Variants in RNLS observed in about 807,000 individuals in gnomAD.
RNLS encodes renalase.
RNLS carries 39 observed loss-of-function variants against 39.8 expected under a neutral mutation model. That is an observed-to-expected ratio of 0.98 (90% confidence interval 0.76 to 1.28). The LOEUF (loss-of-function observed/expected upper bound fraction) is 1.28, where lower values mean the gene tolerates loss of function less well. Ranked by LOEUF, RNLS falls within the 50% of genes most tolerant of loss-of-function variation. The pLI is 0.00. For missense variants in RNLS, 410 were observed against 413.3 expected, an observed-to-expected ratio of 0.99 and a Z score of 0.07; for synonymous variants, 147 against 150.7, an observed-to-expected ratio of 0.98 and a Z score of 0.18.
chr10:88,573,149 A>C (rs1849957579), intron 3 of RNLS, 88 bp from the exon 4 acceptor site: 1 of 1,290,184 alleles, frequency 7.8e-7, no homozygotes, highest in Non-Finnish European at 1.1e-6. Flanking sequence ...GAATCCATTC[A>C]AGTGAACAAA....
intron 4 of RNLS, among the ~76,000 whole-genome samples, chr10:88,512,795 CTCTG>C (rs1432439128): frequency 6.6e-6 from 1 of 152,164 alleles, no homozygotes; most frequent in Non-Finnish European, 1.5e-5. Context: ...AGGCTGACTT[CTCTG>C]TCTGGAATGC....
intron 4 of RNLS, among the ~76,000 whole-genome samples, chr10:88,541,844 G>C (rs1247365041): frequency 6.6e-6 from 1 of 152,052 alleles, no homozygotes; most frequent in East Asian, 1.9e-4. Flanking sequence ...TTTATTTGAG[G>C]GTTCTTTATA....
the RNLS span, among the ~76,000 whole-genome samples, chr10:88,234,591 G>A: frequency 2.6e-5 from 4 of 152,170 alleles, no homozygotes; most frequent in African/African-American, 9.7e-5. Context: ...GGTAGCCAGG[G>A]TGGGTCACGA....
At chr10:88,240,970 A>G in the RNLS span, among the ~76,000 whole-genome samples, 1 of 151,002 alleles carries the variant, frequency 6.6e-6, no homozygotes, top group Non-Finnish European at 1.5e-5. Context: ...TTATCATCAT[A>G]TGTCTATAAT....
intron 4 of RNLS, among the ~76,000 whole-genome samples, chr10:88,455,067 A>G (rs1009928897): frequency 6.6e-6 from 1 of 152,212 alleles, no homozygotes; most frequent in African/African-American, 2.4e-5. Context: ...AGAAGTTCAC[A>G]GACTAGTAGC....
At chr10:88,366,625 G>A (rs979815634) in intron 4 of RNLS, among the ~76,000 whole-genome samples, 5 of 125,652 alleles carry the variant, frequency 4.0e-5, no homozygotes, top group African/African-American at 1.5e-4. Context: ...TACTTGCAAG[G>A]TCTGACCTGA....
chr10:88,196,158 C>T, the RNLS span, among the ~76,000 whole-genome samples: 3,168 of 140,792 alleles, frequency 0.023, 83 homozygotes, highest in South Asian at 0.13. Flanking sequence ...TCTTTTTAGT[C>T]AGGCTTGCCT....
intron 4 of RNLS, among the ~76,000 whole-genome samples, chr10:88,373,393 A>G (rs1044271341): frequency 4.6e-5 from 7 of 152,220 alleles, no homozygotes; most frequent in Non-Finnish European, 1.0e-4. Flanking sequence ...TTCTGTTTAC[A>G]TAATAACAAC....
the RNLS span, among the ~76,000 whole-genome samples, chr10:88,212,905 GAT>G: frequency 1.3e-5 from 2 of 152,160 alleles, no homozygotes; most frequent in African/African-American, 4.8e-5. Context: ...AACAGTTCCT[GAT>G]ATTTGTCCAA....
intron 5 of RNLS, among the ~76,000 whole-genome samples, chr10:88,330,447 GA>G (rs1490916365): frequency 2.0e-5 from 3 of 152,034 alleles, no homozygotes; most frequent in African/African-American, 7.2e-5. Flanking sequence ...TCCTCAAAAT[GA>G]GATAGAATAT....
the RNLS span, among the ~76,000 whole-genome samples, chr10:88,226,485 T>G: frequency 6.6e-6 from 1 of 152,150 alleles, no homozygotes; most frequent in Non-Finnish European, 1.5e-5. Flanking sequence ...AGAGATATTT[T>G]TTGAAAATAT....
chr10:88,538,085 T>C lies in RNLS; in HGVS notation c.526+34818A>G, dbSNP rs151009834. Among the ~76,000 whole-genome samples, 58 of 152,282 alleles carry C rather than the reference T, an allele frequency of 3.8e-4. 1 individual carries two copies. In the East Asian group the frequency reaches 0.01, roughly 27 times the overall value. ...AGAGATGGTTAATGCAGCACAATTATGTGGAAATAATTTGTACACAAATTC... is the reference window on the plus strand; with the variant it reads ...AGAGATGGTTAATGCAGCACAATTACGTGGAAATAATTTGTACACAAATTC... On this transcript the variant is annotated intron_variant, in intron 4 of 6. Coordinates refer to ENST00000331772, the MANE Select transcript of RNLS (RefSeq NM_001031709.3).
chr10:88,526,905 A>ACTGGAGGCACCAGGTGTCT lies in RNLS; in HGVS notation c.526+45979_526+45997dup, dbSNP rs536963486. 5.7e-3 allele frequency among the ~76,000 whole-genome samples: 860 copies of ACTGGAGGCACCAGGTGTCT among 151,958 alleles called. 5 individuals are homozygous for ACTGGAGGCACCAGGTGTCT. Among genetic ancestry groups the ACTGGAGGCACCAGGTGTCT allele is most frequent in the Non-Finnish European group, 0.01 (696 of 67,924 alleles). ...CGCAGAACTGCAGAAATGTTAAGGAACTGGAGGCACCAGGTGTCTCTGGAG... is the reference window on the plus strand; with the variant it reads ...CGCAGAACTGCAGAAATGTTAAGGAACTGGAGGCACCAGGTGTCTCTGGAGGCACCAGGTGTCTCTGGAG... On this transcript the variant is annotated intron_variant, in intron 4 of 6. Coordinates refer to ENST00000331772, the MANE Select transcript of RNLS (RefSeq NM_001031709.3).
At chr10:88,398,210 G>C (rs1472179362) in intron 4 of RNLS, among the ~76,000 whole-genome samples, 1 of 152,088 alleles carries the variant, frequency 6.6e-6, no homozygotes, top group Non-Finnish European at 1.5e-5. Context: ...ATCAACAAGA[G>C]GCAGAGGAAA....
chr10:88,581,134 G>A (rs907509399), intron 3 of RNLS, among the ~76,000 whole-genome samples: 3 of 151,684 alleles, frequency 2.0e-5, no homozygotes, highest in African/African-American at 7.3e-5. Context: ...ATAAATACTA[G>A]ACAATCATTA....
chr10:88,254,430 TG>T, the RNLS span, among the ~76,000 whole-genome samples: 3 of 152,116 alleles, frequency 2.0e-5, no homozygotes, highest in African/African-American at 7.2e-5. Flanking sequence ...AGCTTAGGAG[TG>T]GAGAAGTGGG....
rs57709392 is a variant in RNLS at position 88,397,637 on chromosome 10, A to C, written c.527-34912T>G. 4.3e-3 allele frequency among the ~76,000 whole-genome samples: 660 copies of C among 152,158 alleles called. 4 individuals carry two copies. Among genetic ancestry groups the C allele is most frequent in the African/African-American group, 0.015 (617 of 41,550 alleles). ...ATAACTATTAGAATACAGATAAACAAAATAGAGATAGAAAACAGAGAGATC... is the reference window on the plus strand; with the variant it reads ...ATAACTATTAGAATACAGATAAACACAATAGAGATAGAAAACAGAGAGATC... On this transcript the variant is annotated intron_variant, in intron 4 of 6. Transcript: ENST00000331772.
chr10:88,263,570 C>T, the RNLS span, among the ~76,000 whole-genome samples: 1 of 151,816 alleles, frequency 6.6e-6, no homozygotes, highest in African/African-American at 2.4e-5. Context: ...AGAGGGTTGC[C>T]ACTGCTCCCA....
rs1254879978 is a variant in RNLS, at chr10:88,497,883, G to GA, written c.526+75019dup. On this transcript the variant is annotated intron_variant, in intron 4 of 6. Transcript: ENST00000331772. The stretch of plus-strand genomic sequence containing the variant: ...TGTGCCAACTAGCTATAATTTTGGG[G>GA]AAAAAAAAACTTTGAGTAAAGTAGA... Among the ~76,000 whole-genome samples the GA allele has an allele frequency of 1.9e-3, 287 of 149,490 alleles. 3 individuals are homozygous for GA. Among genetic ancestry groups the GA allele is most frequent in the African/African-American group, 6.1e-3 (249 of 40,738 alleles).
Sources: allele counts gnomAD v4.1 joint callset (sites outside exome capture counted in the v4.1 genomes callset), GRCh38; gene constraint gnomAD v4.1.1; transcripts MANE v1.5; gene names NCBI Gene and HGNC (gene_info 2026-07-23, HGNC 2026-07-21).